SLC9B1: variants seen among roughly 807,000 people sequenced by gnomAD.
SLC9B1 encodes the protein sodium/hydrogen exchanger 9B1.
A neutral mutation model predicts 51.7 loss-of-function variants in SLC9B1; 32 were observed. The ratio of observed to expected loss-of-function variants is 0.62; its 90% CI spans 0.47 to 0.83. The LOEUF (loss-of-function observed/expected upper bound fraction) is 0.83. Ranked by LOEUF, SLC9B1 falls within the 40% of genes least tolerant of loss-of-function variation. The pLI is 0.00. For synonymous variants in SLC9B1, 145 were observed against 212.7 expected (o/e 0.68, Z 2.77); for missense variants, 406 against 613.2 (o/e 0.66, Z 3.57).
At chr4:103,009,969 C>T (rs890009299) in intron 1 of SLC9B1, among the ~76,000 whole-genome samples, 3 of 152,098 alleles carry the variant, frequency 2.0e-5, no homozygotes, top group Non-Finnish European at 4.4e-5. Flanking sequence ...CAGGACAATA[C>T]AAATCTGGGC....
intron 6 of SLC9B1, among the ~76,000 whole-genome samples, chr4:102,943,796 C>T (rs1560942874): frequency 6.6e-6 from 1 of 152,058 alleles, no homozygotes; most frequent in Non-Finnish European, 1.5e-5. Context: ...GTGCAGTGTA[C>T]ACTGCTCTGG....
intron 11 of SLC9B1, chr4:102,888,519 G>C (rs1186075644): frequency 6.6e-6 from 1 of 152,254 alleles, no homozygotes; most frequent in African/African-American, 2.4e-5. Context: ...CCGTGTGTAA[G>C]GGTCAACTGT....
At chr4:102,998,675 C>G (rs746046633) in intron 1 of SLC9B1, among the ~76,000 whole-genome samples, 10 of 151,810 alleles carry the variant, frequency 6.6e-5, no homozygotes, top group Non-Finnish European at 1.3e-4. Context: ...CCAGTTTCTC[C>G]ACATGCAGGC....
chr4:102,910,544 A>T lies in SLC9B1; in HGVS notation c.981T>A (p.Cys327Ter). The T allele has an allele frequency of 6.5e-7, 1 of 1,532,258 alleles. No individual in the cohort carries two copies. The highest frequency in any genetic ancestry group is 8.7e-7 in the Non-Finnish European group (1 of 1,142,948). The allele number at this position is 1,532,258 out of a possible 1,614,324, so 94.9% of individuals were successfully genotyped here. A position where few individuals can be genotyped will look rare whatever the true frequency, so the allele number is the denominator to read the frequency against. ...LKRGFLVLTM[C>*]VSAVLGSQRI... ...GTTGGCTGCCTAAGACGGCAGAAAC[A>T]CACATAGTCAAAACAAGGAATCCTC... The change falls in exon 9 of 12, where the codon TGT becomes TGA. Residue 327 changes from cysteine to a stop codon, truncating the protein, a stop_gained. Transcript: ENST00000296422. LOFTEE classifies it high-confidence loss of function.
At chr4:102,970,400 T>C (rs1426900440) in intron 3 of SLC9B1, among the ~76,000 whole-genome samples, 1 of 152,128 alleles carries the variant, frequency 6.6e-6, no homozygotes, top group Non-Finnish European at 1.5e-5. Context: ...GCTTCATAAG[T>C]GAAGGAGAAA....
chr4:102,931,907 C>A (rs1210668711), intron 7 of SLC9B1, among the ~76,000 whole-genome samples: 1 of 152,204 alleles, frequency 6.6e-6, no homozygotes, highest in African/African-American at 2.4e-5. Flanking sequence ...TTAATTGTCA[C>A]ATGATTATTA....
rs545633382 is a variant in SLC9B1, at chr4:102,911,653, T to C, written c.830-116A>G. On this transcript the variant is annotated intron_variant, in intron 7 of 11. Transcript: ENST00000296422. ...AAAAGTAAGCATTTTATAGAACAAATATATGCAAATGGTCTTTTTATAGTG... is the reference window on the plus strand; with the variant it reads ...AAAAGTAAGCATTTTATAGAACAAACATATGCAAATGGTCTTTTTATAGTG... 13 of 612,988 alleles carry C rather than the reference T, an allele frequency of 2.1e-5. No homozygotes were observed. In the South Asian group the frequency reaches 2.5e-4, roughly 12 times the overall value. 38.0% of individuals were successfully genotyped at this position (612,988 alleles called of 1,614,324 possible). A position where few individuals can be genotyped will look rare whatever the true frequency, so the allele number is the denominator to read the frequency against.
chr4:102,893,281 C>CAAAAAAAAAAAAAA (rs58316456), intron 11 of SLC9B1, among the ~76,000 whole-genome samples: 17 of 35,160 alleles, frequency 4.8e-4, no homozygotes, highest in Admixed American at 9.7e-4. Context: ...GACTCCATCT[C>CAAAAAAAAAAAAAA]AAAAAAAAAA....
intron 1 of SLC9B1, among the ~76,000 whole-genome samples, chr4:103,010,365 A>G (rs1400757708): frequency 6.6e-6 from 1 of 152,152 alleles, no homozygotes; most frequent in Non-Finnish European, 1.5e-5. Flanking sequence ...GTCCTTTTAT[A>G]ATGAAATTAA....
intron 7 of SLC9B1, among the ~76,000 whole-genome samples, chr4:102,914,751 C>T (rs1735501009): frequency 6.6e-6 from 1 of 151,824 alleles, no homozygotes; most frequent in Admixed American, 6.6e-5. Context: ...TTATAGGATG[C>T]CATCAAGCAG....
chr4:102,948,574 A>G (rs765440787), intron 4 of SLC9B1, among the ~76,000 whole-genome samples: 3 of 152,110 alleles, frequency 2.0e-5, no homozygotes, highest in Non-Finnish European at 4.4e-5. Flanking sequence ...CATGGAATCA[A>G]CTTAAATGAC....
At chr4:102,885,104 A>C in exon 12 of SLC9B1, 1 of 865,770 alleles carries the variant, frequency 1.2e-6, no homozygotes, top group Non-Finnish European at 1.9e-6. Flanking sequence ...GATCCATTAA[A>C]AAGGAATTAA....
intron 1 of SLC9B1, among the ~76,000 whole-genome samples, chr4:102,993,707 A>G (rs553288264): frequency 6.6e-6 from 1 of 152,282 alleles, no homozygotes; most frequent in South Asian, 2.1e-4. Flanking sequence ...GGGCTCTGCC[A>G]CTGGAGTAAA....
Position 102,946,877 on chromosome 4 carries a change from G to T in SLC9B1, c.383-88C>A. The T allele has an allele frequency of 2.4e-6, 3 of 1,248,252 alleles. 1 individual carries two copies. Among genetic ancestry groups the T allele is most frequent in the Non-Finnish European group, 3.3e-6 (3 of 915,230 alleles). 77.3% of individuals were successfully genotyped at this position (1,248,252 alleles called of 1,614,324 possible). ...TTTACTTTCTTTTCTAATGCACTATGTCTCTCATTATTTTGGTAAAGGGCA... is the reference window on the plus strand; with the variant it reads ...TTTACTTTCTTTTCTAATGCACTATTTCTCTCATTATTTTGGTAAAGGGCA... On this transcript the variant is annotated intron_variant, in intron 4 of 11. Transcript: ENST00000296422.
chr4:102,895,452 A>G (rs1033417807), intron 11 of SLC9B1, among the ~76,000 whole-genome samples: 4 of 152,242 alleles, frequency 2.6e-5, no homozygotes, highest in African/African-American at 7.2e-5. Flanking sequence ...TTTTATGTGA[A>G]TATCAGTTAT....
chr4:102,888,443 C>A (rs1734053043), intron 11 of SLC9B1: 1 of 152,200 alleles, frequency 6.6e-6, no homozygotes, highest in Non-Finnish European at 1.5e-5. Context: ...AAATGCTGAT[C>A]TGTGTGACCT....
At chr4:102,940,950 G>A (rs1736964411) in intron 6 of SLC9B1, among the ~76,000 whole-genome samples, 2 of 152,166 alleles carry the variant, frequency 1.3e-5, no homozygotes, top group South Asian at 2.1e-4. Context: ...GACTCCATAC[G>A]TTTCACCGTT....
chr4:102,969,981 G>T (rs1738663178), intron 3 of SLC9B1, among the ~76,000 whole-genome samples: 2 of 152,162 alleles, frequency 1.3e-5, no homozygotes, highest in Admixed American at 6.5e-5. Context: ...AGAAATACGG[G>T]ACTATGTGAA....
chr4:103,007,591 C>CTTTT (rs58447131), intron 1 of SLC9B1, among the ~76,000 whole-genome samples: 4 of 107,746 alleles, frequency 3.7e-5, no homozygotes, highest in Non-Finnish European at 5.4e-5. Context: ...CTCTTGTCAT[C>CTTTT]TTTTTTTTTT....
Sources: gnomAD v4.1 joint callset for allele counts (sites outside exome capture counted in the v4.1 genomes callset) on GRCh38, gnomAD v4.1.1 for gene constraint, MANE v1.5 for transcripts, NCBI Gene and HGNC (gene_info 2026-07-23, HGNC 2026-07-21) for gene names.